Variants in PPP3CC observed in about 807,000 individuals in gnomAD.
The protein encoded by PPP3CC is serine/threonine-protein phosphatase 2B catalytic subunit gamma isoform.
A neutral mutation model predicts 60.3 loss-of-function variants in PPP3CC; 35 were observed. The observed-to-expected ratio is 0.58, with a 90% CI of 0.44 to 0.77. PPP3CC has a LOEUF of 0.77. Ranked by LOEUF, PPP3CC falls within the 30% of genes least tolerant of loss-of-function variation. The pLI is 0.00. For synonymous variants in PPP3CC, 206 were observed against 224.3 expected, an observed-to-expected ratio of 0.92 and a Z score of 0.73; for missense variants, 570 against 628.9, an observed-to-expected ratio of 0.91 and a Z score of 1.00.
At chr8:22,488,800 C>T (rs2132493132) in intron 3 of PPP3CC, among the ~76,000 whole-genome samples, 1 of 152,280 alleles carries the variant, frequency 6.6e-6, no homozygotes, top group African/African-American at 2.4e-5. Context: ...ACAAGCTGTG[C>T]ATAGATCAGG....
intron 3 of PPP3CC, among the ~76,000 whole-genome samples, chr8:22,497,317 C>A (rs1838619945): frequency 6.6e-6 from 1 of 151,748 alleles, no homozygotes; most frequent in African/African-American, 2.4e-5. Context: ...GTATGAGCCA[C>A]TGCACCTGGC....
chr8:22,457,536 G>C (rs1183334294), intron 1 of PPP3CC, among the ~76,000 whole-genome samples: 2 of 151,312 alleles, frequency 1.3e-5, no homozygotes, highest in African/African-American at 4.9e-5. Flanking sequence ...TTGAACTCCA[G>C]GCCTCAAGCG....
chr8:22,477,112 C>G (rs1243264628), intron 3 of PPP3CC, among the ~76,000 whole-genome samples: 1 of 152,100 alleles, frequency 6.6e-6, no homozygotes, highest in Non-Finnish European at 1.5e-5. Context: ...ATTATCCTTG[C>G]AGACTGTATC....
intron 4 of PPP3CC, among the ~76,000 whole-genome samples, chr8:22,506,933 AATT>A (rs1159306930): frequency 1.8e-4 from 26 of 140,738 alleles, no homozygotes; most frequent in South Asian, 1.4e-3. Context: ...TAAATAAATT[AATT>A]AATTAATTAA....
chr8:22,515,547 A>G (rs1839220815), intron 6 of PPP3CC, among the ~76,000 whole-genome samples: 1 of 152,218 alleles, frequency 6.6e-6, no homozygotes, highest in South Asian at 2.1e-4. Context: ...GAGGAACTCC[A>G]AACTGTTCTC....
At position 22,477,098 on chromosome 8, in the gene PPP3CC, G is replaced by A. The variant is rs181087889; in HGVS notation, c.372+1474G>A. ...CTCTAAATAGGTACTGGGAATAGGT[G>A]GAGATTATCCTTGCAGACTGTATCA... On this transcript the variant is annotated intron_variant, in intron 3 of 13. Transcript: ENST00000240139. Among the ~76,000 whole-genome samples, 19 of 152,258 alleles carry A rather than the reference G, an allele frequency of 1.2e-4. No homozygotes were observed. In the East Asian group the frequency reaches 3.3e-3, roughly 26 times the overall value.
chr8:22,527,374 T>A lies in PPP3CC; in HGVS notation c.944-18T>A, dbSNP rs1210447220. 1 of 1,613,096 alleles carries A rather than the reference T, an allele frequency of 6.2e-7. No individual in the cohort carries two copies. The highest frequency in any genetic ancestry group is 1.1e-5 in the South Asian group (1 of 91,040). The stretch of plus-strand genomic sequence containing the variant: ...CATGTTCCTCTGTGCCAGATTTTCT[T>A]GCTTTTTTCCTTTTTAGCTGCTGTG... On this transcript the variant is annotated intron_variant, in intron 8 of 13. Coordinates refer to ENST00000240139, the MANE Select transcript of PPP3CC (RefSeq NM_005605.5).
chr8:22,499,892 G>A (rs938809075), intron 4 of PPP3CC, among the ~76,000 whole-genome samples: 1 of 152,078 alleles, frequency 6.6e-6, no homozygotes, highest in Non-Finnish European at 1.5e-5. Context: ...AGATTTATGT[G>A]TATTTATTTG....
At chr8:22,460,971 G>C (rs575440244) in intron 1 of PPP3CC, among the ~76,000 whole-genome samples, 2 of 151,880 alleles carry the variant, frequency 1.3e-5, no homozygotes, top group Non-Finnish European at 2.9e-5. Flanking sequence ...TTAGCCTCCC[G>C]AGTAGCTGGA....
chr8:22,502,530 A>G (rs1278932718), intron 4 of PPP3CC, among the ~76,000 whole-genome samples: 1 of 152,142 alleles, frequency 6.6e-6, no homozygotes, highest in African/African-American at 2.4e-5. Flanking sequence ...TCTACAAAAA[A>G]TTTAAAAATT....
intron 1 of PPP3CC, among the ~76,000 whole-genome samples, chr8:22,456,849 A>G (rs1837209042): frequency 6.6e-6 from 1 of 152,174 alleles, no homozygotes; most frequent in African/African-American, 2.4e-5. Flanking sequence ...CTGATTTGGA[A>G]GCATTGTTAA....
intron 1 of PPP3CC, among the ~76,000 whole-genome samples, chr8:22,472,898 G>A (rs1837772935): frequency 6.6e-6 from 1 of 152,176 alleles, no homozygotes; most frequent in Admixed American, 6.5e-5. Flanking sequence ...TTCCTGCGAT[G>A]TTATTGTGGC....
chr8:22,478,820 A>C (rs1172173292), intron 3 of PPP3CC, among the ~76,000 whole-genome samples: 2 of 152,248 alleles, frequency 1.3e-5, no homozygotes. Context: ...AGGACTTAGC[A>C]CAGTGCCTAA....
At chr8:22,487,973 G>T (rs954218293) in intron 3 of PPP3CC, among the ~76,000 whole-genome samples, 9 of 152,132 alleles carry the variant, frequency 5.9e-5, no homozygotes, top group Non-Finnish European at 1.2e-4. Context: ...CAAGACAATT[G>T]TACAGTTGCA....
intron 12 of PPP3CC, among the ~76,000 whole-genome samples, chr8:22,537,222 A>G (rs1563797184): frequency 6.6e-6 from 1 of 152,364 alleles, no homozygotes; most frequent in Admixed American, 6.5e-5. Flanking sequence ...TTACAACTGA[A>G]TAAGAAGACA....
chr8:22,447,766 C>T (rs1836875916), intron 1 of PPP3CC, among the ~76,000 whole-genome samples: 1 of 152,016 alleles, frequency 6.6e-6, no homozygotes, highest in African/African-American at 2.4e-5. Context: ...TTTTAGTTCC[C>T]CATATTCAAT....
chr8:22,532,904 T>G lies in PPP3CC; in HGVS notation c.1224-17T>G, dbSNP rs548010995. 3.9e-6 allele frequency: 6 copies of G among 1,534,762 alleles called. No individual in the cohort carries two copies. In the African/African-American group the frequency reaches 8.4e-5, roughly 21 times the overall value. ...GAGTTCTCGGGCATTAACCCAGGGT[T>G]TGGTCTCCCTTTGCAGGCAAGAAAG... On this transcript the variant is annotated splice_polypyrimidine_tract_variant and intron_variant, in intron 11 of 13. Coordinates refer to ENST00000240139, the MANE Select transcript of PPP3CC (RefSeq NM_005605.5).
intron 1 of PPP3CC, among the ~76,000 whole-genome samples, chr8:22,447,175 A>ATTTTTTTTTTTTTTTTTTTT (rs1161858120): frequency 8.6e-6 from 1 of 116,292 alleles, no homozygotes; most frequent in Non-Finnish European, 1.8e-5. Flanking sequence ...TGTCCAACTA[A>ATTTTTTTTTTTTTTTTTTTT]TTTTTTTTTT....
chr8:22,500,335 A>T (rs17060875), intron 4 of PPP3CC, among the ~76,000 whole-genome samples: 3,900 of 152,204 alleles, frequency 0.026, 162 homozygotes, highest in African/African-American at 0.088. Flanking sequence ...TACCCCTTTT[A>T]ACGAATCCTG....
Sources: allele counts gnomAD v4.1 joint callset (sites outside exome capture counted in the v4.1 genomes callset), GRCh38; gene constraint gnomAD v4.1.1; transcripts MANE v1.5; gene names NCBI Gene and HGNC (gene_info 2026-07-23, HGNC 2026-07-21).